Variants in CEP63 observed in about 807,000 individuals in gnomAD.
The protein encoded by CEP63 is centrosomal protein 63.
In CEP63, 84 loss-of-function variants were observed where a neutral mutation model predicts 89.1. That is an observed-to-expected ratio of 0.94 (90% CI 0.79 to 1.13). The LOEUF is 1.13. CEP63 is among the 50% of genes most tolerant of loss of function. The probability of loss-of-function intolerance (pLI) is 0.00; values close to 1 mark genes in which losing one functional copy is unlikely to be tolerated. For missense variants in CEP63, 838 were observed against 813.3 expected (o/e 1.03, Z -0.37); for synonymous variants, 267 against 272.5 (o/e 0.98, Z 0.20).
chr3:134,695,993 G>A, the CEP63 span, among the ~76,000 whole-genome samples: 1,879 of 152,252 alleles, frequency 0.012, 11 homozygotes, highest in Non-Finnish European at 0.018. Flanking sequence ...GAGTGCCCCC[G>A]GGCTTTTCAC....
chr3:134,608,602 AT>A, the CEP63 span: 3 of 1,613,766 alleles, frequency 1.9e-6, no homozygotes, highest in South Asian at 3.3e-5. Flanking sequence ...ACAGTGCGAA[AT>A]GCTCCATTCC....
the CEP63 span, among the ~76,000 whole-genome samples, chr3:134,638,154 C>T: frequency 2.0e-5 from 3 of 152,204 alleles, no homozygotes; most frequent in Admixed American, 2.0e-4. Flanking sequence ...CACTGGGAGG[C>T]TTTGCTGGCT....
the CEP63 span, among the ~76,000 whole-genome samples, chr3:134,754,891 C>T: frequency 6.6e-6 from 1 of 152,102 alleles, no homozygotes; most frequent in African/African-American, 2.4e-5. Context: ...AACAGACCTC[C>T]AGAGGGCTAG....
At chr3:134,640,161 G>C in the CEP63 span, among the ~76,000 whole-genome samples, 2 of 143,212 alleles carry the variant, frequency 1.4e-5, no homozygotes, top group African/African-American at 5.0e-5. Context: ...AGAAAATGTT[G>C]AACCATTCCG....
the CEP63 span, among the ~76,000 whole-genome samples, chr3:134,699,392 T>G: frequency 6.6e-6 from 1 of 151,956 alleles, no homozygotes; most frequent in Non-Finnish European, 1.5e-5. Context: ...CCACCATAGG[T>G]GGAAAAGAGA....
downstream of CEP63, among the ~76,000 whole-genome samples, chr3:134,578,589 C>T (rs928495200): frequency 2.6e-5 from 4 of 152,104 alleles, no homozygotes; most frequent in African/African-American, 9.7e-5. Context: ...CTTGGCCTCC[C>T]AAAGTACTGG....
the CEP63 span, among the ~76,000 whole-genome samples, chr3:134,683,618 T>G: frequency 3.3e-5 from 5 of 152,126 alleles, no homozygotes; most frequent in African/African-American, 1.2e-4. Flanking sequence ...TCCTCATTCA[T>G]GTAAATGAAA....
the CEP63 span, among the ~76,000 whole-genome samples, chr3:134,602,747 T>C: frequency 6.6e-6 from 1 of 152,146 alleles, no homozygotes; most frequent in African/African-American, 2.4e-5. Context: ...TAGACTGAAC[T>C]ACCTGCCCTG....
the CEP63 span, among the ~76,000 whole-genome samples, chr3:134,699,805 G>T: frequency 8.5e-5 from 13 of 152,222 alleles, no homozygotes; most frequent in African/African-American, 3.1e-4. Flanking sequence ...ACAACTTCAT[G>T]TGGATCATTA....
intron 10 of CEP63, among the ~76,000 whole-genome samples, chr3:134,582,216 G>C (rs1214826151): frequency 1.2e-4 from 10 of 86,336 alleles, no homozygotes; most frequent in African/African-American, 2.0e-4. Context: ...TTCTAGGGTA[G>C]ATGTGCACAA....
chr3:134,607,853 GGAGGGGTACTGA>G, the CEP63 span: 1 of 988,154 alleles, frequency 1.0e-6, no homozygotes, highest in East Asian at 1.1e-4. Context: ...CCTCCAGAAG[GGAGGGGTACTGA>G]GCCAGCCAGG....
the CEP63 span, among the ~76,000 whole-genome samples, chr3:134,774,320 C>T: frequency 2.0e-5 from 3 of 152,218 alleles, no homozygotes; most frequent in Non-Finnish European, 4.4e-5. Flanking sequence ...ACTTTACTCT[C>T]CAACTTAGCA....
the CEP63 span, among the ~76,000 whole-genome samples, chr3:134,744,780 A>G: frequency 6.6e-6 from 1 of 152,096 alleles, no homozygotes; most frequent in Non-Finnish European, 1.5e-5. Flanking sequence ...TTCCTTCCAA[A>G]GTGCTAGGAT....
chr3:134,683,249 T>G, the CEP63 span, among the ~76,000 whole-genome samples: 1 of 152,252 alleles, frequency 6.6e-6, no homozygotes, highest in South Asian at 2.1e-4. Flanking sequence ...AAAGTTATAT[T>G]TTAATGTTTT....
chr3:134,580,151 C>T (rs1221998984), intron 10 of CEP63, among the ~76,000 whole-genome samples: 8 of 149,472 alleles, frequency 5.4e-5, no homozygotes, highest in East Asian at 2.0e-4. Context: ...GCTGAGATTG[C>T]GCCATTGCAC....
the CEP63 span, among the ~76,000 whole-genome samples, chr3:134,752,623 A>G: frequency 1.3e-5 from 2 of 152,228 alleles, no homozygotes; most frequent in Admixed American, 1.3e-4. Flanking sequence ...AATAATAAAA[A>G]GAAGACAGAA....
At chr3:134,549,962 C>A in intron 10 of CEP63, 101 bp from the exon 11 acceptor site, 1 of 870,314 alleles carries the variant, frequency 1.1e-6, no homozygotes, top group South Asian at 1.5e-5. Flanking sequence ...AATTTAATGT[C>A]TTGAGATAAG....
At chr3:134,760,983 T>C in the CEP63 span, among the ~76,000 whole-genome samples, 14 of 151,304 alleles carry the variant, frequency 9.3e-5, no homozygotes, top group South Asian at 2.1e-3. Flanking sequence ...AATCCTCTGG[T>C]ATGACTAAAA....
chr3:134,558,909 GGCAGCTT>G (rs1471939008), intron 13 of CEP63, among the ~76,000 whole-genome samples: 2 of 152,080 alleles, frequency 1.3e-5, no homozygotes, highest in African/African-American at 4.8e-5. Context: ...AGATTACTCT[GGCAGCTT>G]GTTTGTCTTT....
Sources: allele counts gnomAD v4.1 joint callset (sites outside exome capture counted in the v4.1 genomes callset), GRCh38; gene constraint gnomAD v4.1.1; transcripts MANE v1.5; gene names NCBI Gene and HGNC (gene_info 2026-07-23, HGNC 2026-07-21).